The following FBXL4 variants were observed in gnomAD, a reference collection of about 807,000 sequenced individuals.
The protein encoded by FBXL4 is F-box and leucine rich repeat protein 4, also known as F-box/LRR-repeat protein 4.
A neutral mutation model predicts 58.9 loss-of-function variants in FBXL4; 40 were observed. The observed-to-expected ratio is 0.68, with a 90% CI of 0.53 to 0.88. The LOEUF (loss-of-function observed/expected upper bound fraction) is 0.88. Among genes scored for constraint, FBXL4 ranks in the 40% least tolerant of loss-of-function variants. The probability of loss-of-function intolerance (pLI) is 0.00; values close to 1 mark genes in which losing one functional copy is unlikely to be tolerated. For synonymous variants in FBXL4, 263 were observed against 265.5 expected, an observed-to-expected ratio of 0.99 and a Z score of 0.09; for missense variants, 676 against 734.4, an observed-to-expected ratio of 0.92 and a Z score of 0.92.
intron 5 of FBXL4, among the ~76,000 whole-genome samples, chr6:98,912,491 T>C (rs906998433): frequency 3.3e-5 from 5 of 152,158 alleles, no homozygotes; most frequent in African/African-American, 1.2e-4. Context: ...GCAGAAACTC[T>C]ACAAGCCAGA....
chr6:98,893,842 G>GT (rs1490395299), intron 7 of FBXL4, among the ~76,000 whole-genome samples: 1 of 151,554 alleles, frequency 6.6e-6, no homozygotes, highest in South Asian at 2.1e-4. Flanking sequence ...CAAAATAAAA[G>GT]TTTTTTTCAA....
At chr6:98,878,357 G>GCA (rs1770727742) in intron 8 of FBXL4, among the ~76,000 whole-genome samples, 1 of 152,120 alleles carries the variant, frequency 6.6e-6, no homozygotes, top group Non-Finnish European at 1.5e-5. Context: ...CTTTGTTGTA[G>GCA]CACACACCAT....
chr6:98,890,407 C>T (rs1771183236), intron 7 of FBXL4, among the ~76,000 whole-genome samples: 1 of 152,120 alleles, frequency 6.6e-6, no homozygotes, highest in East Asian at 1.9e-4. Flanking sequence ...CACATCAGAG[C>T]ACTATCTCAG....
Position 98,917,552 on chromosome 6 carries a change from C to A in FBXL4, c.680G>T (p.Gly227Val), listed in dbSNP as rs1351615506. The change falls in exon 5 of 10, where the codon GGT becomes GTT. Residue 227 changes from glycine (G) to valine (V), a missense_variant. Coordinates refer to ENST00000369244, the MANE Select transcript of FBXL4 (RefSeq NM_001278716.2). Reference protein sequence around the residue: ...YTELDAVVLHGVKDKPVLSLK... With the variant: ...YTELDAVVLHVVKDKPVLSLK... ...AGAAAGCACTGGCTTGTCCTTCACA[C>A]CATGTAGCACAACTGCATCTAATTC... is the stretch of plus-strand genomic sequence containing the variant. 2 of 1,614,006 alleles carry A rather than the reference C, an allele frequency of 1.2e-6. No individual in the cohort carries two copies. The highest frequency in any genetic ancestry group is 1.7e-5 in the Admixed American group (1 of 60,016).
Position 98,905,576 on chromosome 6 carries a change from A to C in FBXL4, c.953T>G (p.Leu318Arg), listed in dbSNP as rs766177758. ...TTGCAGATTGAGGTGGATGTATTGC[A>C]GAGGATCACAGCAATGCTGGCTCAG... is the stretch of plus-strand genomic sequence containing the variant. ...KLLSQHCCDP[L>R]QYIHLNLQPY... The change falls in exon 6 of 10, where the codon CTG becomes CGG. Residue 318 changes from leucine (L) to arginine (R), a missense_variant. By Grantham distance (102) the Leu-to-Arg change is moderately radical. Transcript: ENST00000369244. 1.2e-6 allele frequency: 2 copies of C among 1,613,994 alleles called. No homozygotes were observed. Among genetic ancestry groups the C allele is most frequent in the South Asian group, 2.2e-5 (2 of 91,078 alleles).
intron 5 of FBXL4, among the ~76,000 whole-genome samples, chr6:98,916,753 G>A (rs1352084144): frequency 4.6e-5 from 7 of 151,006 alleles, no homozygotes; most frequent in Non-Finnish European, 1.0e-4. Flanking sequence ...CACCAGCATG[G>A]CACATGTATA....
chr6:98,934,585 C>G (rs568137594), intron 2 of FBXL4, among the ~76,000 whole-genome samples, 177 bp downstream of exon 2: 1 of 152,260 alleles, frequency 6.6e-6, no homozygotes, highest in East Asian at 1.9e-4. Flanking sequence ...TCTTAAAAAA[C>G]TAACATTGAA....
intron 4 of FBXL4, among the ~76,000 whole-genome samples, chr6:98,918,459 G>T (rs1772455207): frequency 6.6e-6 from 1 of 151,950 alleles, no homozygotes; most frequent in Non-Finnish European, 1.5e-5. Flanking sequence ...CCCATGAAAT[G>T]CCCAACCTAC....
chr6:98,933,013 A>G (rs1773071519), intron 2 of FBXL4, among the ~76,000 whole-genome samples: 1 of 152,222 alleles, frequency 6.6e-6, no homozygotes, highest in African/African-American at 2.4e-5. Context: ...GCCAACCCTT[A>G]AATGCTCATT....
rs964412690 is a variant in FBXL4, at chr6:98,873,542, A to T, written c.*736T>A. ...TTTATATTGGCATTATCCAGTAGTG[A>T]AATAGACAAAAATATCAGAAGAAAA... On this transcript the variant is annotated 3_prime_UTR_variant, in exon 10 of 10. Transcript: ENST00000369244. 1 of 151,996 alleles carries T rather than the reference A, an allele frequency of 6.6e-6. No individual in the cohort carries two copies. The highest frequency in any genetic ancestry group is 6.6e-5 in the Admixed American group (1 of 15,226). The allele number at this position is 151,996 out of a possible 1,614,324, so 9.4% of individuals were successfully genotyped here.
At chr6:98,914,063 T>A (rs1479669388) in intron 5 of FBXL4, among the ~76,000 whole-genome samples, 1 of 152,146 alleles carries the variant, frequency 6.6e-6, no homozygotes, top group Non-Finnish European at 1.5e-5. Flanking sequence ...CTAGAAAATA[T>A]AGAAGAAATG....
intron 1 of FBXL4, among the ~76,000 whole-genome samples, chr6:98,947,262 G>T (rs1773655950): frequency 1.3e-5 from 2 of 152,246 alleles, no homozygotes; most frequent in South Asian, 4.1e-4. Context: ...CAAGTAGATG[G>T]TCATCATCAC....
rs377101732 is a variant in FBXL4, at chr6:98,905,395, GAA to G, written c.1103+29_1103+30del. 1.2e-5 allele frequency: 19 copies of G among 1,599,948 alleles called. No individual in the cohort carries two copies. In the African/African-American group the frequency reaches 2.3e-4, roughly 19 times the overall value. Reference sequence around the variant, plus strand: ...ATAAGTATAACCTGCTGCTGGGGGGGAAAAAAACTTCATCAAGGCTTTGTACT... The same window carrying G: ...ATAAGTATAACCTGCTGCTGGGGGGGAAAAACTTCATCAAGGCTTTGTACT... On this transcript the variant is annotated intron_variant, in intron 6 of 9. Transcript: ENST00000369244.
chr6:98,936,458 T>C (rs1191400754), intron 1 of FBXL4, among the ~76,000 whole-genome samples: 2 of 152,214 alleles, frequency 1.3e-5, no homozygotes, highest in Non-Finnish European at 2.9e-5. Context: ...GGTCCACTTA[T>C]ATGTGCCTTT....
intron 1 of FBXL4, among the ~76,000 whole-genome samples, chr6:98,935,501 C>A (rs1168319870): frequency 6.6e-6 from 1 of 152,080 alleles, no homozygotes; most frequent in East Asian, 1.9e-4. Context: ...TAAGAATAAG[C>A]CATCTGGGCC....
chr6:98,918,819 T>C (rs1772471314), intron 4 of FBXL4, among the ~76,000 whole-genome samples: 2 of 152,102 alleles, frequency 1.3e-5, no homozygotes, highest in African/African-American at 4.8e-5. Flanking sequence ...CAATAGTACA[T>C]AAGAATGATC....
At position 98,926,619 on chromosome 6, in the gene FBXL4, G is replaced by A. The variant is rs761974928; in HGVS notation, c.370C>T (p.Gln124Ter). Residue 124 changes from glutamine (Q) to a stop codon, truncating the protein, a stop_gained, in exon 4 of 10, where the codon CAG becomes TAG. Transcript: ENST00000369244. LOFTEE classifies it high-confidence loss of function. ...FKRTPPNFQS[Q>*]DYVELTFEQQ... ...TCAAAAGTAAGTTCCACATAGTCCTGGCTCTGAAAATTAGGTGGCGTCCTC... is the reference window on the plus strand; with the variant it reads ...TCAAAAGTAAGTTCCACATAGTCCTAGCTCTGAAAATTAGGTGGCGTCCTC... 9 of 1,614,136 alleles carry A rather than the reference G, an allele frequency of 5.6e-6. No individual in the cohort carries two copies. In the South Asian group the frequency reaches 7.7e-5, roughly 14 times the overall value.
At chr6:98,909,906 C>G (rs535897037) in intron 5 of FBXL4, among the ~76,000 whole-genome samples, 1 of 152,314 alleles carries the variant, frequency 6.6e-6, no homozygotes, top group African/African-American at 2.4e-5. Context: ...TATGTGGCAA[C>G]TTTAGCTACT....
chr6:98,879,942 C>CAAAAAAA (rs57952065), intron 8 of FBXL4, among the ~76,000 whole-genome samples: 3 of 62,544 alleles, frequency 4.8e-5, no homozygotes, highest in African/African-American at 6.6e-5. Context: ...GACTCCATCT[C>CAAAAAAA]AAAAAAAAAA....
Sources: allele counts gnomAD v4.1 joint callset (sites outside exome capture counted in the v4.1 genomes callset), GRCh38; gene constraint gnomAD v4.1.1; transcripts MANE v1.5; gene names NCBI Gene and HGNC (gene_info 2026-07-23, HGNC 2026-07-21).